KIF1A: variants seen among roughly 807,000 people sequenced by gnomAD.
KIF1A encodes kinesin-like protein KIF1A.
Under a neutral mutation model 227.3 loss-of-function variants are expected in KIF1A, and 46 were observed. The ratio of observed to expected loss-of-function variants is 0.20; its 90% CI spans 0.16 to 0.26. KIF1A has a LOEUF of 0.26. Ranked by LOEUF, KIF1A falls within the 10% of genes least tolerant of loss-of-function variation. The pLI, the probability that KIF1A is intolerant of heterozygous loss-of-function variation, is 1.00. For synonymous variants in KIF1A, 1,022 were observed against 1,012.8 expected (o/e 1.01, Z -0.17); for missense variants, 1,683 against 2,485.9 (o/e 0.68, Z 6.87).
intron 10 of KIF1A, among the ~76,000 whole-genome samples, chr2:240,781,428 G>C (rs1471895013): frequency 1.5e-3 from 9 of 5,968 alleles, no homozygotes; most frequent in Non-Finnish European, 2.9e-3. Flanking sequence ...CACACACACA[G>C]CTCCACACAC....
rs201456681 is a variant in KIF1A at position 240,786,527 on chromosome 2, C to T, written c.430-14G>A. The stretch of plus-strand genomic sequence containing the variant: ...CATGTAGCTGACCTGCAGGGCAGAG[C>T]CAGGCCATCAGGGGCCCCTGAGGCG... On this transcript the variant is annotated splice_polypyrimidine_tract_variant and intron_variant, in intron 5 of 48. Transcript: ENST00000498729. The T allele has an allele frequency of 4.1e-4, 656 of 1,611,492 alleles. No homozygotes were observed. Among genetic ancestry groups the T allele is most frequent in the Admixed American group, 1.0e-3 (61 of 59,864 alleles).
Position 240,745,969 on chromosome 2 carries a change from G to C in KIF1A, c.3203-60C>G, listed in dbSNP as rs1438029470. The C allele has an allele frequency of 3.1e-6, 5 of 1,595,206 alleles. No homozygotes were observed. In the African/African-American group the frequency reaches 5.4e-5, roughly 17 times the overall value. ...AGGCCATATTGTCTTCCAGCCACAG[G>C]CCTGGGCCGGGCTCAGGAACCAGGT... On this transcript the variant is annotated intron_variant, in intron 30 of 48. Coordinates refer to ENST00000498729, the MANE Select transcript of KIF1A (RefSeq NM_001244008.2).
At chr2:240,819,319 G>C (rs972097280) in intron 1 of KIF1A, among the ~76,000 whole-genome samples, 1 of 152,184 alleles carries the variant, frequency 6.6e-6, no homozygotes, top group African/African-American at 2.4e-5. Context: ...CTGCGGCCCC[G>C]CAGCCCCTCC....
chr2:240,772,052 AT>A (rs2052075343), intron 14 of KIF1A, among the ~76,000 whole-genome samples: 1 of 152,186 alleles, frequency 6.6e-6, no homozygotes, highest in Non-Finnish European at 1.5e-5. Context: ...GTTGGGTGGG[AT>A]TTGGCAGTAT....
intron 10 of KIF1A, chr2:240,781,687 C>T: frequency 2.3e-6 from 2 of 880,464 alleles, no homozygotes; most frequent in Non-Finnish European, 2.7e-6. Flanking sequence ...CCGTCTCCCG[C>T]AGTCCCACGC....
chr2:240,770,833 C>G, intron 15 of KIF1A, 138 bp downstream of exon 15: 1 of 1,112,164 alleles, frequency 9.0e-7, no homozygotes, highest in African/African-American at 1.6e-5. Context: ...GGTGGCCACA[C>G]GCCAGAGGCT....
Position 240,747,285 on chromosome 2 carries a change from C to A in KIF1A, c.3014G>T (p.Arg1005Leu), listed in dbSNP as rs775295770. The A allele has an allele frequency of 1.2e-6, 2 of 1,613,394 alleles. No homozygotes were observed. Among genetic ancestry groups the A allele is most frequent in the Admixed American group, 3.3e-5 (2 of 60,004 alleles). ...GGAGATTTTAGCAGTTCCCGACTGG[C>A]GGACGCCAGAGCCATAATCAGGGGC... is the stretch of plus-strand genomic sequence containing the variant. ...EEAPDYGSGVRQSGTAKISFD... is the reference protein window; with the variant it reads ...EEAPDYGSGVLQSGTAKISFD... The change falls in exon 29 of 49, where the codon CGC becomes CTC. Residue 1005 changes from arginine to leucine, a missense_variant. Physicochemically the swap from Arg to Leu is moderately radical, Grantham distance 102. Coordinates refer to ENST00000498729, the MANE Select transcript of KIF1A (RefSeq NM_001244008.2).
Position 240,794,709 on chromosome 2 carries a change from G to A in KIF1A, c.106+2938C>T, listed in dbSNP as rs113625655. On this transcript the variant is annotated intron_variant, in intron 2 of 48. Transcript: ENST00000498729. ...CGTTGCATTTCACGCAAGCAGCCTG[G>A]TGAGGTCGGCCTCACACGTCTCATA... is the stretch of plus-strand genomic sequence containing the variant. 1.8e-3 allele frequency among the ~76,000 whole-genome samples: 268 copies of A among 152,324 alleles called. 1 individual carries two copies. The highest frequency in any genetic ancestry group is 5.4e-3 in the African/African-American group (223 of 41,560).
At chr2:240,780,848 C>CCACGCACACACAGCTCCA (rs2053662100) in intron 10 of KIF1A, among the ~76,000 whole-genome samples, 1 of 20,246 alleles carries the variant, frequency 4.9e-5, no homozygotes. Flanking sequence ...ACACACAGCT[C>CCACGCACACACAGCTCCA]CACACACACA....
chr2:240,755,646 C>G (rs1659873786), intron 27 of KIF1A, among the ~76,000 whole-genome samples: 1 of 152,238 alleles, frequency 6.6e-6, no homozygotes, highest in Admixed American at 6.5e-5. Context: ...GGCCAGGTCT[C>G]TCTTTGATGA....
intron 14 of KIF1A, among the ~76,000 whole-genome samples, chr2:240,771,617 C>T (rs1051838610): frequency 2.0e-5 from 3 of 152,202 alleles, no homozygotes; most frequent in Admixed American, 6.5e-5. Flanking sequence ...CACCCAGCAG[C>T]GCCCCGTGCA....
chr2:240,720,002 C>T, intron 45 of KIF1A, 76 bp from the exon 46 acceptor site: 1 of 1,446,978 alleles, frequency 6.9e-7, no homozygotes, highest in Non-Finnish European at 9.2e-7. Context: ...GCTTCACCCT[C>T]CTCAGAGCAC....
In KIF1A at chr2:240,752,437, C is replaced by G. The variant is rs1480002517; in HGVS notation, c.2859-1890G>C. Among the ~76,000 whole-genome samples, 2 of 152,066 alleles carry G rather than the reference C, an allele frequency of 1.3e-5. No individual in the cohort carries two copies. The highest frequency in any genetic ancestry group is 2.9e-5 in the Non-Finnish European group (2 of 67,992). ...CACCAGCATCCCCTTGGGAGGGGGA[C>G]GGCAATGCCTTCCCTCCCCAGGGCA... On this transcript the variant is annotated intron_variant, in intron 27 of 48. Transcript: ENST00000498729. The surrounding 1 kb of genome is among the most constrained non-coding windows in gnomAD (Gnocchi z 6.4).
At chr2:240,744,748 GT>G (rs1016331224) in intron 32 of KIF1A, among the ~76,000 whole-genome samples, 1 of 152,192 alleles carries the variant, frequency 6.6e-6, no homozygotes, top group Non-Finnish European at 1.5e-5. Context: ...CATTTCTGTT[GT>G]TTTTAGATGC....
Position 240,758,627 on chromosome 2 carries a change from G to A in KIF1A, c.2445-130C>T. 5.3e-6 allele frequency: 5 copies of A among 935,592 alleles called. No individual in the cohort carries two copies. The highest frequency in any genetic ancestry group is 7.4e-6 in the Non-Finnish European group (5 of 678,798). The allele number at this position is 935,592 out of a possible 1,614,324, so 58.0% of individuals were successfully genotyped here. Reference sequence around the variant, plus strand: ...ACCACATCCAGCTCAGGGTCATCAAGGTCCAGGGGGCTTGCTAGACAGACC... The same window carrying A: ...ACCACATCCAGCTCAGGGTCATCAAAGTCCAGGGGGCTTGCTAGACAGACC... On this transcript the variant is annotated intron_variant, in intron 25 of 48. Coordinates refer to ENST00000498729, the MANE Select transcript of KIF1A (RefSeq NM_001244008.2). This position sits in a 1 kb window ranked among gnomAD's most constrained non-coding sequence, Gnocchi z 5.2.
chr2:240,760,817 C>T lies in KIF1A; in HGVS notation c.2292G>A (p.Thr764=), dbSNP rs773940730. The change falls in exon 25 of 49, where the codon ACG becomes ACA. Residue 764 remains threonine, a synonymous_variant. Coordinates refer to ENST00000498729, the MANE Select transcript of KIF1A (RefSeq NM_001244008.2). ...KKVQFQFVLL[T]DTLYSPLPPD... ...GTGGCAGAGGGGAGTAGAGTGTGTC[C>T]GTCAGGAGGACAAACTGGAATTGTA... 1.7e-5 allele frequency: 27 copies of T among 1,607,922 alleles called. No homozygotes were observed. Among genetic ancestry groups the T allele is most frequent in the East Asian group, 2.3e-5 (1 of 44,384 alleles).
rs2051180961 is a variant in KIF1A, at chr2:240,766,401, C to T, written c.1684+514G>A. On this transcript the variant is annotated intron_variant, in intron 19 of 48. Transcript: ENST00000498729. This position sits in a 1 kb window ranked among gnomAD's most constrained non-coding sequence, Gnocchi z 5.0. ...CCCCACGTCATCTCCAGGAGGGAGACCACTGGGCAGGCAGGGGAAACGGAC... is the reference window on the plus strand; with the variant it reads ...CCCCACGTCATCTCCAGGAGGGAGATCACTGGGCAGGCAGGGGAAACGGAC... Among the ~76,000 whole-genome samples the T allele has an allele frequency of 6.6e-6, 1 of 152,226 alleles. No individual in the cohort carries two copies. Among genetic ancestry groups the T allele is most frequent in the African/African-American group, 2.4e-5 (1 of 41,450 alleles).
In KIF1A at chr2:240,716,196, A is replaced by C. The variant is rs2044583949; in HGVS notation, c.*1168T>G. 1 of 151,838 alleles carries C rather than the reference A, an allele frequency of 6.6e-6. No individual in the cohort carries two copies. Among genetic ancestry groups the C allele is most frequent in the African/African-American group, 2.4e-5 (1 of 41,258 alleles). The allele number at this position is 151,838 out of a possible 1,614,324, so 9.4% of individuals were successfully genotyped here. On this transcript the variant is annotated 3_prime_UTR_variant, in exon 49 of 49. Coordinates refer to ENST00000498729, the MANE Select transcript of KIF1A (RefSeq NM_001244008.2). The stretch of plus-strand genomic sequence containing the variant: ...ATTGCCGACCGACCAGGATACCCCC[A>C]CCCCATGGGATTTTCTCAGTGGGAC...
At chr2:240,772,783 C>A (rs2052181001) in intron 13 of KIF1A, among the ~76,000 whole-genome samples, 187 bp from the exon 14 acceptor site, 2 of 152,188 alleles carry the variant, frequency 1.3e-5, no homozygotes, top group South Asian at 4.1e-4. Flanking sequence ...GCACCCACAG[C>A]CTGCCTATGG....
Sources: gnomAD v4.1 joint callset for allele counts (sites outside exome capture counted in the v4.1 genomes callset) on GRCh38, gnomAD v4.1.1 for gene constraint, Gnocchi (gnomAD v3.1) non-coding constraint, MANE v1.5 for transcripts, NCBI Gene and HGNC (gene_info 2026-07-23, HGNC 2026-07-21) for gene names.